Variants in UNC5C observed in about 807,000 individuals in gnomAD.
UNC5C encodes netrin receptor UNC5C.
Under a neutral mutation model 99.8 loss-of-function variants are expected in UNC5C, and 47 were observed. That is an observed-to-expected ratio of 0.47 (90% CI 0.37 to 0.60). UNC5C has a LOEUF of 0.60. Among genes scored for constraint, UNC5C ranks in the 20% least tolerant of loss-of-function variants. UNC5C has a pLI of 0.00. For missense variants in UNC5C, 1,062 were observed against 1,165.9 expected, an observed-to-expected ratio of 0.91 and a Z score of 1.30; for synonymous variants, 487 against 452.2, an observed-to-expected ratio of 1.08 and a Z score of -0.98.
In UNC5C at chr4:95,188,310, G is replaced by A. The variant is rs76979276; in HGVS notation, c.2137-3114C>T. On this transcript the variant is annotated intron_variant, in intron 12 of 15. Coordinates refer to ENST00000453304, the MANE Select transcript of UNC5C (RefSeq NM_003728.4). ...CAACTGGTATCGTTGCACTAAAGAC[G>A]TTCATGACATAGGAAAGCATAACAG... 1.3e-4 allele frequency among the ~76,000 whole-genome samples: 20 copies of A among 152,212 alleles called. No individual in the cohort carries two copies. The East Asian group carries it at 3.7e-3, about 28-fold the overall frequency.
At chr4:95,468,225 C>T (rs940863526) in intron 1 of UNC5C, among the ~76,000 whole-genome samples, 1 of 151,214 alleles carries the variant, frequency 6.6e-6, no homozygotes, top group African/African-American at 2.4e-5. Flanking sequence ...ACATAAAGAT[C>T]CATGTTGTAA....
chr4:95,170,663 A>G (rs1192699984), intron 14 of UNC5C, among the ~76,000 whole-genome samples: 1 of 152,184 alleles, frequency 6.6e-6, no homozygotes, highest in African/African-American at 2.4e-5. Context: ...GAAGAGAGGG[A>G]ATATCAGAGC....
intron 1 of UNC5C, among the ~76,000 whole-genome samples, chr4:95,459,563 C>G (rs1285507221): frequency 1.3e-5 from 2 of 152,106 alleles, no homozygotes; most frequent in African/African-American, 2.4e-5. Context: ...TCAATGTATA[C>G]AATAGACTAT....
At chr4:95,490,165 A>G (rs140509889) in intron 1 of UNC5C, among the ~76,000 whole-genome samples, 1 of 151,698 alleles carries the variant, frequency 6.6e-6, no homozygotes, top group Non-Finnish European at 1.5e-5. Context: ...GCGGAACACG[A>G]TTTCATGGCA....
chr4:95,346,115 A>G (rs1221946316), intron 1 of UNC5C, among the ~76,000 whole-genome samples: 1 of 151,898 alleles, frequency 6.6e-6, no homozygotes, highest in Non-Finnish European at 1.5e-5. Context: ...ACCTGATACT[A>G]TAGAAATTCA....
intron 14 of UNC5C, among the ~76,000 whole-genome samples, chr4:95,174,094 T>G (rs1736235873): frequency 6.6e-6 from 1 of 152,224 alleles, no homozygotes; most frequent in African/African-American, 2.4e-5. Context: ...GATATCCCCT[T>G]TATCATTTTT....
intron 7 of UNC5C, among the ~76,000 whole-genome samples, chr4:95,221,432 T>C (rs1560739482): frequency 6.6e-6 from 1 of 152,288 alleles, no homozygotes; most frequent in Non-Finnish European, 1.5e-5. Flanking sequence ...AGCCACATGG[T>C]TTACATGGTG....
chr4:95,435,398 T>C (rs766960148), intron 1 of UNC5C, among the ~76,000 whole-genome samples: 3 of 152,048 alleles, frequency 2.0e-5, no homozygotes, highest in African/African-American at 4.8e-5. Flanking sequence ...AAAGTTAGAG[T>C]GCCTGTCTCT....
At chr4:95,410,556 C>CTGAAG (rs1311852361) in intron 1 of UNC5C, among the ~76,000 whole-genome samples, 1 of 152,110 alleles carries the variant, frequency 6.6e-6, no homozygotes, top group Non-Finnish European at 1.5e-5. Flanking sequence ...AGACTCAGAG[C>CTGAAG]TGAAGTGCAG....
intron 7 of UNC5C, among the ~76,000 whole-genome samples, chr4:95,224,710 T>C (rs553483427): frequency 3.6e-4 from 55 of 152,304 alleles, no homozygotes; most frequent in Non-Finnish European, 7.2e-4. Flanking sequence ...TTCCTGTTTT[T>C]ACTGAAGTTT....
intron 1 of UNC5C, among the ~76,000 whole-genome samples, chr4:95,370,053 G>A (rs1033764217): frequency 6.6e-6 from 1 of 152,178 alleles, no homozygotes; most frequent in African/African-American, 2.4e-5. Flanking sequence ...TAAAGAATGA[G>A]AAAGGCTTGG....
chr4:95,513,925 T>C (rs1035931351), intron 1 of UNC5C, among the ~76,000 whole-genome samples: 6 of 152,220 alleles, frequency 3.9e-5, no homozygotes, highest in Admixed American at 1.3e-4. Context: ...AACTTTCTTT[T>C]AAACTTTAAA....
At chr4:95,388,066 A>G (rs1406509251) in intron 1 of UNC5C, among the ~76,000 whole-genome samples, 1 of 152,220 alleles carries the variant, frequency 6.6e-6, no homozygotes, top group Non-Finnish European at 1.5e-5. Context: ...TACTATAAAC[A>G]TTAAACATGC....
chr4:95,398,038 A>G (rs1434937150), intron 1 of UNC5C, among the ~76,000 whole-genome samples: 1 of 105,836 alleles, frequency 9.4e-6, no homozygotes, highest in African/African-American at 5.5e-5. Flanking sequence ...AAGTAGCCAA[A>G]TGTAGCTTTT....
intron 1 of UNC5C, among the ~76,000 whole-genome samples, chr4:95,419,179 C>A (rs1293205470): frequency 1.3e-5 from 2 of 152,036 alleles, no homozygotes; most frequent in African/African-American, 4.8e-5. Flanking sequence ...AAGATTATCC[C>A]CAGGTGGTTC....
At position 95,354,479 on chromosome 4, in the gene UNC5C, A is replaced by ATATATATATATATATTTT; in HGVS notation, c.125-18849_125-18848insAAAATATATATATATATA. 1.4e-3 allele frequency among the ~76,000 whole-genome samples: 153 copies of ATATATATATATATATTTT among 110,324 alleles called. 2 individuals are homozygous for ATATATATATATATATTTT. Among genetic ancestry groups the ATATATATATATATATTTT allele is most frequent in the African/African-American group, 5.8e-3 (144 of 24,720 alleles). 72.4% of individuals were successfully genotyped at this position (110,324 alleles called of 152,430 possible). A position where few individuals can be genotyped will look rare whatever the true frequency, so the allele number is the denominator to read the frequency against. ...TTACCTAACTCTTCCATATATATAT[A>ATATATATATATATATTTT]TTTTTTTTTTTTTTTTAAGAGACAG... is the stretch of plus-strand genomic sequence containing the variant. On this transcript the variant is annotated intron_variant, in intron 1 of 15. Transcript: ENST00000453304.
At chr4:95,258,952 G>A (rs1261141822) in intron 4 of UNC5C, among the ~76,000 whole-genome samples, 1 of 150,128 alleles carries the variant, frequency 6.7e-6, no homozygotes, top group Non-Finnish European at 1.5e-5. Flanking sequence ...TAGTAGAGAC[G>A]GGGTTTCACC....
chr4:95,299,255 A>G (rs1741785124), intron 3 of UNC5C, among the ~76,000 whole-genome samples: 1 of 152,170 alleles, frequency 6.6e-6, no homozygotes, highest in African/African-American at 2.4e-5. Context: ...ACACAGAGTA[A>G]AGACTATGTG....
At chr4:95,410,810 C>A (rs974217319) in intron 1 of UNC5C, among the ~76,000 whole-genome samples, 1 of 152,154 alleles carries the variant, frequency 6.6e-6, no homozygotes, top group Non-Finnish European at 1.5e-5. Context: ...CCCCACCCTG[C>A]TCGCCCAGTG....
Sources: gnomAD v4.1 joint callset for allele counts (sites outside exome capture counted in the v4.1 genomes callset) on GRCh38, gnomAD v4.1.1 for gene constraint, MANE v1.5 for transcripts, NCBI Gene and HGNC (gene_info 2026-07-23, HGNC 2026-07-21) for gene names.